SNRNP40: variants seen among roughly 807,000 people sequenced by gnomAD.
SNRNP40 encodes the protein U5 small nuclear ribonucleoprotein 40 kDa protein.
A neutral mutation model predicts 45.8 loss-of-function variants in SNRNP40; 21 were observed. The observed-to-expected ratio is 0.46, with a 90% CI of 0.32 to 0.66. The LOEUF (loss-of-function observed/expected upper bound fraction) is 0.66. Ranked by LOEUF, SNRNP40 falls within the 30% of genes least tolerant of loss-of-function variation. The pLI is 0.03. For synonymous variants in SNRNP40, 142 were observed against 163.8 expected, an observed-to-expected ratio of 0.87 and a Z score of 1.01; for missense variants, 344 against 439.1, an observed-to-expected ratio of 0.78 and a Z score of 1.94.
At chr1:31,285,077 A>C (rs1646047516) in intron 4 of SNRNP40, among the ~76,000 whole-genome samples, 1 of 152,164 alleles carries the variant, frequency 6.6e-6, no homozygotes, top group Non-Finnish European at 1.5e-5. Flanking sequence ...TGGTAGTCAA[A>C]GTTTGTTTAA....
intron 1 of SNRNP40, among the ~76,000 whole-genome samples, chr1:31,294,400 T>C (rs1214145309): frequency 6.6e-6 from 1 of 152,198 alleles, no homozygotes; most frequent in African/African-American, 2.4e-5. Flanking sequence ...ATGGGAGAAG[T>C]ATACTACCCA....
chr1:31,262,540 AAAAAGAGG>A (rs1645866253), intron 8 of SNRNP40, among the ~76,000 whole-genome samples: 1 of 99,628 alleles, frequency 1.0e-5, no homozygotes, highest in Non-Finnish European at 2.5e-5. Flanking sequence ...AAAAAAAAAA[AAAAAGAGG>A]AGAAAAAAGA....
At chr1:31,291,313 A>G (rs4949380) in intron 3 of SNRNP40, among the ~76,000 whole-genome samples, 79,088 of 146,296 alleles carry the variant, frequency 0.54, 22,678 homozygotes, top group Non-Finnish European at 0.63. Context: ...AACACTGATT[A>G]TCTTTGGAGT....
At chr1:31,282,466 G>GCTATCTATCTAT (rs745784092) in intron 4 of SNRNP40, 5 of 119,014 alleles carry the variant, frequency 4.2e-5, no homozygotes, top group African/African-American at 6.7e-5. Flanking sequence ...CATATTCCTG[G>GCTATCTATCTAT]CTATCTATCT....
chr1:31,278,899 C>T (rs1440842322), intron 5 of SNRNP40, among the ~76,000 whole-genome samples: 1 of 152,080 alleles, frequency 6.6e-6, no homozygotes, highest in African/African-American at 2.4e-5. Flanking sequence ...AAAGACTCCA[C>T]AGACAGAGTA....
At chr1:31,266,081 A>G (rs976150625) in intron 8 of SNRNP40, among the ~76,000 whole-genome samples, 2 of 152,162 alleles carry the variant, frequency 1.3e-5, no homozygotes, top group Non-Finnish European at 2.9e-5. Context: ...TTTTTCCTCC[A>G]GAAAATACCT....
intron 1 of SNRNP40, among the ~76,000 whole-genome samples, chr1:31,293,891 G>A (rs1646123493): frequency 6.6e-6 from 1 of 151,990 alleles, no homozygotes; most frequent in African/African-American, 2.4e-5. Flanking sequence ...AACAAATGAT[G>A]GAACTGACTT....
intron 8 of SNRNP40, among the ~76,000 whole-genome samples, chr1:31,261,997 G>A (rs1645862256): frequency 6.6e-6 from 1 of 152,186 alleles, no homozygotes; most frequent in South Asian, 2.1e-4. Context: ...ACTCATCCAG[G>A]AAATCTAAAA....
intron 4 of SNRNP40, among the ~76,000 whole-genome samples, chr1:31,287,332 A>G (rs370151376): frequency 1.3e-5 from 2 of 152,178 alleles, no homozygotes; most frequent in African/African-American, 4.8e-5. Context: ...CTGCTTATTA[A>G]AAAAAGTATT....
chr1:31,284,306 G>A (rs1019932781), intron 4 of SNRNP40, among the ~76,000 whole-genome samples: 2 of 152,100 alleles, frequency 1.3e-5, no homozygotes, highest in African/African-American at 4.8e-5. Context: ...GCGCCACCAC[G>A]CCCAGCTAAT....
rs757806957 is a variant in SNRNP40, at chr1:31,296,610, C to T, written c.141+1G>A. 6.2e-7 allele frequency: 1 copy of T among 1,608,536 alleles called. No homozygotes were observed. Among genetic ancestry groups the T allele is most frequent in the Non-Finnish European group, 8.5e-7 (1 of 1,177,608 alleles). On this transcript the variant is annotated splice_donor_variant, in intron 1 of 9. Coordinates refer to ENST00000263694, the MANE Select transcript of SNRNP40 (RefSeq NM_004814.3). LOFTEE classifies it high-confidence loss of function. The stretch of plus-strand genomic sequence containing the variant: ...CAAAGGCCGCCTGCTTCTTCACTTA[C>T]CGCTTGCAGCAAGGCTCCCGGCGTC...
At chr1:31,295,888 C>G (rs376306219) in intron 1 of SNRNP40, among the ~76,000 whole-genome samples, 2 of 152,224 alleles carry the variant, frequency 1.3e-5, no homozygotes, top group African/African-American at 4.8e-5. Context: ...ACGGTGCCAG[C>G]AGGATTTATT....
At chr1:31,288,300 G>A (rs186923358) in intron 4 of SNRNP40, among the ~76,000 whole-genome samples, 13 of 152,200 alleles carry the variant, frequency 8.5e-5, no homozygotes, top group East Asian at 5.8e-4. Flanking sequence ...CCCAAAATTC[G>A]TGTCAAAGAG....
chr1:31,264,524 GCTT>G (rs1335615101), intron 8 of SNRNP40, among the ~76,000 whole-genome samples: 1 of 152,126 alleles, frequency 6.6e-6, no homozygotes, highest in Non-Finnish European at 1.5e-5. Context: ...ACTTCTCTAA[GCTT>G]CTTAGTTACA....
chr1:31,269,440 T>C, intron 6 of SNRNP40, 200 bp from the exon 7 acceptor site: 1 of 1,281,340 alleles, frequency 7.8e-7, no homozygotes, highest in Non-Finnish European at 1.0e-6. Flanking sequence ...TCCCAATAAC[T>C]GGGGCTAGCT....
At chr1:31,283,954 T>A (rs1312051152) in intron 4 of SNRNP40, among the ~76,000 whole-genome samples, 2 of 152,196 alleles carry the variant, frequency 1.3e-5, no homozygotes, top group Non-Finnish European at 2.9e-5. Flanking sequence ...CCAGGTATGG[T>A]GGCTCATGCC....
intron 4 of SNRNP40, among the ~76,000 whole-genome samples, chr1:31,284,337 C>CG (rs1472515279): frequency 6.6e-6 from 1 of 152,112 alleles, no homozygotes; most frequent in Admixed American, 6.6e-5. Flanking sequence ...TTAGAAGAGA[C>CG]GGGGGTTTCA....
At chr1:31,265,756 T>C (rs1049256664) in intron 8 of SNRNP40, among the ~76,000 whole-genome samples, 6 of 152,132 alleles carry the variant, frequency 3.9e-5, no homozygotes, top group African/African-American at 1.4e-4. Context: ...AGGAGAATGG[T>C]GTAAACCCAG....
chr1:31,270,628 G>C (rs1645930686), intron 6 of SNRNP40, among the ~76,000 whole-genome samples: 1 of 152,150 alleles, frequency 6.6e-6, no homozygotes, highest in Admixed American at 6.5e-5. Context: ...ATGCGTGAAA[G>C]TTTGCCATTG....
Sources: gnomAD v4.1 joint callset for allele counts (sites outside exome capture counted in the v4.1 genomes callset) on GRCh38, gnomAD v4.1.1 for gene constraint, MANE v1.5 for transcripts, NCBI Gene and HGNC (gene_info 2026-07-23, HGNC 2026-07-21) for gene names.